The following RAB4A variants were observed in gnomAD, a reference collection of about 807,000 sequenced individuals.
RAB4A encodes ras-related protein Rab-4A.
RAB4A carries 20 observed loss-of-function variants against 34.5 expected under a neutral mutation model. That is an observed-to-expected ratio of 0.58 (90% confidence interval 0.41 to 0.84). RAB4A has a LOEUF of 0.84. Ranked by LOEUF, RAB4A falls within the 40% of genes least tolerant of loss-of-function variation. The pLI, the probability that RAB4A is intolerant of heterozygous loss-of-function variation, is 0.00. For synonymous variants in RAB4A, 102 were observed against 100.0 expected (o/e 1.02, Z -0.12); for missense variants, 228 against 274.5 (o/e 0.83, Z 1.20).
chr1:229,277,037 CAATTTATATATAATTATTTAT>C (rs1382820192), intron 1 of RAB4A, among the ~76,000 whole-genome samples: 4 of 145,892 alleles, frequency 2.7e-5, no homozygotes, highest in East Asian at 1.9e-4. Flanking sequence ...AAATTATTTA[CAATTTATATATAATTATTTAT>C]AATTTATATA....
chr1:229,301,988 G>A (rs1286463790), intron 6 of RAB4A, among the ~76,000 whole-genome samples: 2 of 151,442 alleles, frequency 1.3e-5, no homozygotes, highest in African/African-American at 4.9e-5. Context: ...TGCCAACATT[G>A]CCACTGAAAG....
intron 3 of RAB4A, among the ~76,000 whole-genome samples, chr1:229,289,351 TTAG>T (rs1657004835): frequency 6.6e-6 from 1 of 152,228 alleles, no homozygotes; most frequent in Non-Finnish European, 1.5e-5. Flanking sequence ...GGTTACATGT[TTAG>T]TATTCTGTAA....
chr1:229,303,020 C>G, intron 7 of RAB4A, 31 bp downstream of exon 7: 1 of 1,494,394 alleles, frequency 6.7e-7, no homozygotes, highest in Non-Finnish European at 9.3e-7. Flanking sequence ...GCCCTGAGTT[C>G]CTGGCAAGCT....
intron 7 of RAB4A, among the ~76,000 whole-genome samples, chr1:229,303,359 G>GAA (rs869299981): frequency 7.2e-6 from 1 of 138,144 alleles, no homozygotes; most frequent in Non-Finnish European, 1.6e-5. Flanking sequence ...AACTGTCTCA[G>GAA]AAAAAAAAAA....
chr1:229,277,379 A>G (rs1431969122), intron 1 of RAB4A, among the ~76,000 whole-genome samples: 1 of 150,720 alleles, frequency 6.6e-6, no homozygotes, highest in Admixed American at 6.6e-5. Flanking sequence ...CACCTCCTTT[A>G]CTTCTTATTC....
intron 3 of RAB4A, among the ~76,000 whole-genome samples, chr1:229,294,265 G>A (rs775444085): frequency 3.3e-5 from 5 of 152,170 alleles, no homozygotes; most frequent in Non-Finnish European, 7.3e-5. Flanking sequence ...AATTTGAGTC[G>A]AATGTTAAGA....
rs1161400112 is a variant in RAB4A at position 229,276,653 on chromosome 1, C to G, written c.31+5283C>G. 2.6e-5 allele frequency among the ~76,000 whole-genome samples: 4 copies of G among 151,402 alleles called. No individual in the cohort carries two copies. In the East Asian group the frequency reaches 7.7e-4, roughly 29 times the overall value. ...GTTAGAGTCCATTTTTAATTCTTCC[C>G]CATCCTTACCTCCTGGATCTATTGG... is the stretch of plus-strand genomic sequence containing the variant. On this transcript the variant is annotated intron_variant, in intron 1 of 7. Coordinates refer to ENST00000366690, the MANE Select transcript of RAB4A (RefSeq NM_004578.4).
intron 1 of RAB4A, among the ~76,000 whole-genome samples, chr1:229,275,430 G>T (rs750135096): frequency 2.0e-5 from 3 of 152,098 alleles, no homozygotes; most frequent in Non-Finnish European, 4.4e-5. Flanking sequence ...CCGGCCTCCA[G>T]AACTGTGAGA....
Position 229,305,199 on chromosome 1 carries a change from C to T in RAB4A, c.*1406C>T. On this transcript the variant is annotated 3_prime_UTR_variant, in exon 8 of 8. Coordinates refer to ENST00000366690, the MANE Select transcript of RAB4A (RefSeq NM_004578.4). Reference sequence around the variant, plus strand: ...TATTTTGAGTTTTGCTTTTTTTATGCCTTGAATATTTTATTTCAAAAAGTA... The same window carrying T: ...TATTTTGAGTTTTGCTTTTTTTATGTCTTGAATATTTTATTTCAAAAAGTA... 1.2e-6 allele frequency: 2 copies of T among 1,603,862 alleles called. No individual in the cohort carries two copies. Among genetic ancestry groups the T allele is most frequent in the African/African-American group, 2.7e-5 (2 of 74,530 alleles).
rs931233552 is a variant in RAB4A at position 229,293,832 on chromosome 1, G to T, written c.228-2016G>T. On this transcript the variant is annotated intron_variant, in intron 3 of 7. Coordinates refer to ENST00000366690, the MANE Select transcript of RAB4A (RefSeq NM_004578.4). ...GACCCAAGGGACAAGGAAAGCCAGC[G>T]GTGTGACGAGCCCAGACGGGAGTGG... 3.3e-5 allele frequency among the ~76,000 whole-genome samples: 5 copies of T among 152,310 alleles called. No homozygotes were observed. The South Asian group carries it at 1.0e-3, about 32-fold the overall frequency.
intron 2 of RAB4A, 73 bp from the exon 3 acceptor site, chr1:229,288,656 T>C (rs1656985274): frequency 1.3e-6 from 1 of 758,770 alleles, no homozygotes; most frequent in East Asian, 2.5e-5. Context: ...TTGGTTTTAG[T>C]GTCACTTGTT....
At chr1:229,274,520 C>T (rs781408941) in intron 1 of RAB4A, among the ~76,000 whole-genome samples, 13 of 152,114 alleles carry the variant, frequency 8.5e-5, no homozygotes, top group Non-Finnish European at 1.8e-4. Flanking sequence ...TATGTAATAT[C>T]GTGAAACAAA....
chr1:229,291,944 A>G (rs998066076), intron 3 of RAB4A, among the ~76,000 whole-genome samples: 12 of 151,956 alleles, frequency 7.9e-5, no homozygotes, highest in Non-Finnish European at 1.6e-4. Flanking sequence ...GGAAATCATC[A>G]TTCTCAGTAA....
At chr1:229,292,998 C>G (rs1322020545) in intron 3 of RAB4A, among the ~76,000 whole-genome samples, 1 of 152,220 alleles carries the variant, frequency 6.6e-6, no homozygotes, top group Non-Finnish European at 1.5e-5. Context: ...TGGCCAAATA[C>G]AGATCTGGCA....
intron 6 of RAB4A, among the ~76,000 whole-genome samples, chr1:229,299,303 C>T (rs1214231389): frequency 6.6e-6 from 1 of 152,182 alleles, no homozygotes; most frequent in Non-Finnish European, 1.5e-5. Flanking sequence ...CACACCAGCT[C>T]AGCTGTGGAA....
chr1:229,296,018 C>T (rs1657243336), intron 4 of RAB4A, 108 bp downstream of exon 4: 20 of 1,160,388 alleles, frequency 1.7e-5, no homozygotes, highest in Admixed American at 1.5e-4. Context: ...TGTCCAGGGA[C>T]GGTGGTGTGG....
chr1:229,302,934 C>T lies in RAB4A; in HGVS notation c.614C>T (p.Pro205Leu), dbSNP rs1397784625. ...GDAALRQLRSPRRAQAPNAQE... is the reference protein window; with the variant it reads ...GDAALRQLRSLRRAQAPNAQE... ...GCTGCCTTGAGACAGCTGAGGTCAC[C>T]GCGGCGCGCACAGGCCCCGAACGCT... Residue 205 changes from proline (P) to leucine (L), a missense_variant, in exon 7 of 8, where the codon CCG (proline) becomes CTG (leucine). By Grantham distance (98) the Pro-to-Leu change is moderately conservative. Transcript: ENST00000366690. 3.1e-6 allele frequency: 5 copies of T among 1,613,784 alleles called. No individual in the cohort carries two copies. Among genetic ancestry groups the T allele is most frequent in the Admixed American group, 1.7e-5 (1 of 59,978 alleles).
At chr1:229,292,031 C>T (rs1216855914) in intron 3 of RAB4A, among the ~76,000 whole-genome samples, 1 of 129,434 alleles carries the variant, frequency 7.7e-6, no homozygotes, top group Admixed American at 1.0e-4. Flanking sequence ...AACACATGGA[C>T]ACAGGAAGGG....
At chr1:229,302,521 A>T (rs1657441213) in intron 6 of RAB4A, among the ~76,000 whole-genome samples, 1 of 150,346 alleles carries the variant, frequency 6.7e-6, no homozygotes, top group Admixed American at 6.6e-5. Flanking sequence ...GTGAAAAATT[A>T]TATCTTTGTA....
Sources: allele counts gnomAD v4.1 joint callset (sites outside exome capture counted in the v4.1 genomes callset), GRCh38; gene constraint gnomAD v4.1.1; transcripts MANE v1.5; gene names NCBI Gene and HGNC (gene_info 2026-07-23, HGNC 2026-07-21).